VPS13B: variants seen among roughly 807,000 people sequenced by gnomAD.
The protein encoded by VPS13B is intermembrane lipid transfer protein VPS13B.
Under a neutral mutation model 426.4 loss-of-function variants are expected in VPS13B, and 285 were observed. That is an observed-to-expected ratio of 0.67 (90% CI 0.61 to 0.74). VPS13B has a LOEUF of 0.74. VPS13B is among the 30% of genes least tolerant of loss of function. VPS13B has a pLI of 0.00. For synonymous variants in VPS13B, 1,676 were observed against 1,676.4 expected (o/e 1.00, Z 0.01); for missense variants, 4,537 against 4,782.6 (o/e 0.95, Z 1.51).
At chr8:99,556,422 A>G (rs753043311) in intron 30 of VPS13B, 28 bp from the exon 31 acceptor site, 1 of 1,605,996 alleles carries the variant, frequency 6.2e-7, no homozygotes, top group Non-Finnish European at 8.5e-7. Context: ...TCTTGTTTTT[A>G]TTTTTGTTTT....
At chr8:99,323,156 C>T (rs1810069024) in intron 19 of VPS13B, among the ~76,000 whole-genome samples, 1 of 152,152 alleles carries the variant, frequency 6.6e-6, no homozygotes, top group South Asian at 2.1e-4. Context: ...TTAATAGATA[C>T]GTGTTCACTG....
rs1588262425 is a variant in VPS13B at position 99,334,807 on chromosome 8, G to T, written c.2825-49401G>T. On this transcript the variant is annotated intron_variant, in intron 19 of 61. Coordinates refer to ENST00000357162, the MANE Select transcript of VPS13B (RefSeq NM_152564.5). The stretch of plus-strand genomic sequence containing the variant: ...GCATCAATGTTCATCAAGGATATTG[G>T]TCTAAAATTCTCTTTTTTGGTTGTG... Among the ~76,000 whole-genome samples the T allele has an allele frequency of 2.6e-5, 4 of 152,244 alleles. No homozygotes were observed. The East Asian group carries it at 5.8e-4, about 22-fold the overall frequency.
intron 25 of VPS13B, among the ~76,000 whole-genome samples, chr8:99,499,121 A>G (rs1217851330): frequency 6.6e-6 from 1 of 152,168 alleles, no homozygotes; most frequent in South Asian, 2.1e-4. Context: ...ACAAAATGGT[A>G]AAAGAATTGA....
At position 99,715,740 on chromosome 8, in the gene VPS13B, C is replaced by A. The variant is rs188363051; in HGVS notation, c.6455-1431C>A. On this transcript the variant is annotated intron_variant, in intron 36 of 61. Transcript: ENST00000357162. ...GCAATCCTGACATTCTGTTAATGCT[C>A]ATTTACTAAATAATTGTACTGAATT... Among the ~76,000 whole-genome samples, 5 of 152,222 alleles carry A rather than the reference C, an allele frequency of 3.3e-5. No homozygotes were observed. The East Asian group carries it at 9.6e-4, about 29-fold the overall frequency.
At chr8:99,410,261 A>G (rs1284413054) in intron 21 of VPS13B, among the ~76,000 whole-genome samples, 3 of 152,150 alleles carry the variant, frequency 2.0e-5, no homozygotes, top group Admixed American at 2.0e-4. Context: ...TCTTTGCAAG[A>G]TATTTAAGAC....
chr8:99,119,775 A>G (rs1458297249), intron 7 of VPS13B, among the ~76,000 whole-genome samples: 1 of 152,148 alleles, frequency 6.6e-6, no homozygotes, highest in African/African-American at 2.4e-5. Flanking sequence ...ACCTGTAAGG[A>G]TGTTATTTAA....
chr8:99,116,302 G>C (rs544291993), intron 7 of VPS13B, among the ~76,000 whole-genome samples: 1 of 151,928 alleles, frequency 6.6e-6, no homozygotes, highest in Admixed American at 6.6e-5. Context: ...AAAGTGCTGG[G>C]ATTACAGGCA....
At chr8:99,749,967 A>G (rs1011040974) in intron 39 of VPS13B, among the ~76,000 whole-genome samples, 28 of 152,258 alleles carry the variant, frequency 1.8e-4, no homozygotes, top group African/African-American at 6.7e-4. Flanking sequence ...CGTATTATAC[A>G]CATAATGAAA....
At chr8:99,089,985 G>A (rs1470654446) in intron 3 of VPS13B, among the ~76,000 whole-genome samples, 1 of 152,096 alleles carries the variant, frequency 6.6e-6, no homozygotes, top group Non-Finnish European at 1.5e-5. Context: ...CTGTTTTAAT[G>A]TTAATACTGG....
chr8:99,316,041 A>G (rs1480667206), intron 19 of VPS13B, among the ~76,000 whole-genome samples: 3 of 151,974 alleles, frequency 2.0e-5, no homozygotes, highest in African/African-American at 7.3e-5. Flanking sequence ...GGTGCATTAT[A>G]TGGTGGTTTT....
chr8:99,294,646 A>G (rs988791997), intron 19 of VPS13B, among the ~76,000 whole-genome samples: 2 of 152,316 alleles, frequency 1.3e-5, no homozygotes, highest in South Asian at 2.1e-4. Flanking sequence ...ATGTGTCTGT[A>G]ACATTAAAGC....
intron 2 of VPS13B, among the ~76,000 whole-genome samples, chr8:99,024,337 A>G (rs1677144051): frequency 6.6e-6 from 1 of 152,210 alleles, no homozygotes; most frequent in Non-Finnish European, 1.5e-5. Flanking sequence ...TGTATTATGG[A>G]TATTAACCTC....
rs1414216716 is a variant in VPS13B, at chr8:99,876,443, G to A, written c.*777G>A. On this transcript the variant is annotated 3_prime_UTR_variant, in exon 62 of 62. Coordinates refer to ENST00000357162, the MANE Select transcript of VPS13B (RefSeq NM_152564.5). ...CAGTTTGTTTTACTAAGCAAACTTT[G>A]AGTAAATCCTTTGTCCTATATTGAA... 1 of 152,314 alleles carries A rather than the reference G, an allele frequency of 6.6e-6. No homozygotes were observed. The highest frequency in any genetic ancestry group is 6.5e-5 in the Admixed American group (1 of 15,296). 9.4% of individuals were successfully genotyped at this position (152,314 alleles called of 1,614,324 possible).
chr8:99,388,695 G>A (rs1339432727), intron 20 of VPS13B, among the ~76,000 whole-genome samples: 1 of 152,126 alleles, frequency 6.6e-6, no homozygotes, highest in East Asian at 1.9e-4. Context: ...CTCCTTATTT[G>A]GTATCACTTA....
intron 3 of VPS13B, among the ~76,000 whole-genome samples, chr8:99,061,007 GTT>G (rs1278628616): frequency 6.6e-6 from 1 of 152,158 alleles, no homozygotes; most frequent in Non-Finnish European, 1.5e-5. Context: ...TAATTGTAGT[GTT>G]CAGTGCTTTT....
At chr8:99,209,274 T>G (rs1053346844) in intron 17 of VPS13B, among the ~76,000 whole-genome samples, 55 of 143,524 alleles carry the variant, frequency 3.8e-4, no homozygotes, top group African/African-American at 1.4e-3. Flanking sequence ...AGACTGAGGC[T>G]CCATCTCAAA....
At chr8:99,193,175 G>T (rs1276646555) in intron 17 of VPS13B, 118 bp downstream of exon 17, 2 of 1,037,146 alleles carry the variant, frequency 1.9e-6, no homozygotes, top group African/African-American at 1.6e-5. Context: ...ATGTTTCTTT[G>T]AATGTAGATA....
At chr8:99,128,106 T>C (rs969376911) in intron 8 of VPS13B, among the ~76,000 whole-genome samples, 3 of 152,164 alleles carry the variant, frequency 2.0e-5, no homozygotes, top group Non-Finnish European at 2.9e-5. Context: ...AAAAGGTTTG[T>C]TGGGCTGGGC....
chr8:99,178,018 G>A (rs1027371366), intron 16 of VPS13B, among the ~76,000 whole-genome samples: 29 of 151,316 alleles, frequency 1.9e-4, no homozygotes, highest in African/African-American at 6.8e-4. Context: ...AGAACTCTAC[G>A]TTGTTAATGT....
Sources: allele counts gnomAD v4.1 joint callset (sites outside exome capture counted in the v4.1 genomes callset), GRCh38; gene constraint gnomAD v4.1.1; transcripts MANE v1.5; gene names NCBI Gene and HGNC (gene_info 2026-07-23, HGNC 2026-07-21).